The following SETD5 variants were observed in gnomAD, a reference collection of about 807,000 sequenced individuals.
The protein encoded by SETD5 is SET domain containing 5.
In SETD5, 44 loss-of-function variants were observed where a neutral mutation model predicts 153.3. That is an observed-to-expected ratio of 0.29 (90% CI 0.23 to 0.37). The LOEUF (loss-of-function observed/expected upper bound fraction) is 0.37. Ranked by LOEUF, SETD5 falls within the 10% of genes least tolerant of loss-of-function variation. The pLI is 1.00. For synonymous variants in SETD5, 716 were observed against 645.2 expected, an observed-to-expected ratio of 1.11 and a Z score of -1.66; for missense variants, 1,544 against 1,768.0, an observed-to-expected ratio of 0.87 and a Z score of 2.27.
chr3:9,456,516 T>A (rs2043266713), intron 17 of SETD5, among the ~76,000 whole-genome samples: 1 of 151,752 alleles, frequency 6.6e-6, no homozygotes, highest in Non-Finnish European at 1.5e-5. Context: ...TGAGCCTCAT[T>A]TGTAAAATGG....
At position 9,443,293 on chromosome 3, in the gene SETD5, A is replaced by C; in HGVS notation, c.1078-15A>C. On this transcript the variant is annotated splice_polypyrimidine_tract_variant and intron_variant, in intron 10 of 22. Transcript: ENST00000402198. ...GGTCTTTATGAAAAATCCAACCAGA[A>C]GCCTTTTCACACAGGTGCGACACAT... The C allele has an allele frequency of 1.3e-6, 2 of 1,543,314 alleles. No homozygotes were observed. The highest frequency in any genetic ancestry group is 1.2e-5 in the South Asian group (1 of 83,170).
chr3:9,467,199 CAAAAAAAAAAAAAAAA>C (rs35894304), intron 18 of SETD5, among the ~76,000 whole-genome samples: 1 of 40,862 alleles, frequency 2.4e-5, no homozygotes, highest in Non-Finnish European at 5.4e-5. Context: ...GACTCTCTCT[CAAAAAAAAAAAAAAAA>C]AAAAAAAAAC....
chr3:9,474,212 T>C (rs1371837266), intron 20 of SETD5, among the ~76,000 whole-genome samples: 1 of 152,250 alleles, frequency 6.6e-6, no homozygotes, highest in Non-Finnish European at 1.5e-5. Flanking sequence ...TTAAGGGAAG[T>C]TAACATCTTT....
At chr3:9,454,011 A>G in intron 17 of SETD5, 143 bp downstream of exon 17, 1 of 972,492 alleles carries the variant, frequency 1.0e-6, no homozygotes, top group Non-Finnish European at 1.4e-6. Flanking sequence ...ACAGAGGAAG[A>G]GAGAGATCTC....
chr3:9,436,403 G>A (rs560150465), intron 7 of SETD5, among the ~76,000 whole-genome samples: 14 of 152,272 alleles, frequency 9.2e-5, no homozygotes, highest in Admixed American at 3.9e-4. Flanking sequence ...AAATGTCTAC[G>A]GGAGAAACTT....
In SETD5 at chr3:9,464,653, A is replaced by G. The variant is rs375109664; in HGVS notation, c.2705A>G (p.Asn902Ser). ...VTSLTTASRC[N>S]TPLQFELCHR... The stretch of plus-strand genomic sequence containing the variant: ...TCTCTTACTACTGCTAGTCGCTGCA[A>G]CACTCCTCTACAGTTTGAGGTGATT... Residue 902 changes from asparagine to serine, a missense_variant, in exon 18 of 23, where the codon AAC becomes AGC. By Grantham distance (46) the Asn-to-Ser change is conservative. Around this residue, in one of 9 missense-constraint regions of SETD5, gnomAD observed 782 missense variants for 787.2 expected, o/e 0.99. Transcript: ENST00000402198. 4 of 1,613,908 alleles carry G rather than the reference A, an allele frequency of 2.5e-6. No individual in the cohort carries two copies. The highest frequency in any genetic ancestry group is 3.4e-6 in the Non-Finnish European group (4 of 1,179,916).
At chr3:9,445,980 T>G (rs1467907616) in intron 13 of SETD5, among the ~76,000 whole-genome samples, 2 of 147,502 alleles carry the variant, frequency 1.4e-5, no homozygotes, top group African/African-American at 2.5e-5. Context: ...TTTTTTTTTT[T>G]TTTTTTTTAC....
intron 17 of SETD5, among the ~76,000 whole-genome samples, chr3:9,455,975 C>G (rs913875848): frequency 1.1e-4 from 16 of 152,072 alleles, no homozygotes; most frequent in African/African-American, 3.9e-4. Context: ...TTTTAAAAAT[C>G]AAGCAGCAGT....
At chr3:9,417,969 CTTGCTCTGTCGCACAGGCTGGAG>C (rs1466446357) in intron 1 of SETD5, among the ~76,000 whole-genome samples, 2 of 139,060 alleles carry the variant, frequency 1.4e-5, no homozygotes, top group African/African-American at 2.7e-5. Flanking sequence ...GAGACGGAGT[CTTGCTCTGTCGCACAGGCTGGAG>C]TGCAGTGGCG....
At chr3:9,418,107 A>AT (rs78653171) in intron 1 of SETD5, among the ~76,000 whole-genome samples, 381 of 141,990 alleles carry the variant, frequency 2.7e-3, no homozygotes, top group East Asian at 6.7e-3. Flanking sequence ...CTCCCGGCTA[A>AT]TTTTTTTTTT....
intron 1 of SETD5, 35 bp downstream of exon 1, chr3:9,398,012 G>A (rs2033960662): frequency 6.6e-6 from 1 of 152,064 alleles, no homozygotes; most frequent in Non-Finnish European, 1.5e-5. Context: ...CGAACCTCAC[G>A]ATCGGGCCCC....
chr3:9,409,475 G>T (rs551510332), intron 1 of SETD5, among the ~76,000 whole-genome samples: 14 of 152,068 alleles, frequency 9.2e-5, no homozygotes, highest in Non-Finnish European at 1.9e-4. Context: ...TGACATTCAG[G>T]TTGTCCTACC....
intron 1 of SETD5, among the ~76,000 whole-genome samples, chr3:9,416,938 G>GT (rs67192205): frequency 3.3e-3 from 481 of 145,592 alleles, no homozygotes; most frequent in African/African-American, 6.4e-3. Context: ...TCACCATAAA[G>GT]TTTTTTTTTT....
chr3:9,467,385 G>A (rs2044736366), intron 18 of SETD5, among the ~76,000 whole-genome samples: 2 of 151,890 alleles, frequency 1.3e-5, no homozygotes, highest in Non-Finnish European at 1.5e-5. Flanking sequence ...AAAGAAGAGT[G>A]GAAGCAACAT....
intron 18 of SETD5, chr3:9,468,539 T>C: frequency 1.5e-6 from 2 of 1,304,162 alleles, no homozygotes; most frequent in Non-Finnish European, 2.0e-6. Context: ...CCCCTGAGAG[T>C]TCCCCTGCGC....
intron 16 of SETD5, among the ~76,000 whole-genome samples, chr3:9,453,494 T>C (rs1472425938): frequency 6.6e-6 from 1 of 152,236 alleles, no homozygotes; most frequent in African/African-American, 2.4e-5. Flanking sequence ...AGTCATTTTT[T>C]ATTGGTTTTT....
At chr3:9,471,013 GTTCCGCAC>G in intron 19 of SETD5, 84 bp downstream of exon 19, 1 of 699,784 alleles carries the variant, frequency 1.4e-6, no homozygotes, top group South Asian at 1.9e-5. Flanking sequence ...TCTGCTATGT[GTTCCGCAC>G]TACTCTCAGA....
chr3:9,461,759 C>A (rs1225271436), intron 17 of SETD5, among the ~76,000 whole-genome samples: 1 of 152,180 alleles, frequency 6.6e-6, no homozygotes, highest in Non-Finnish European at 1.5e-5. Context: ...TAACTCCTTT[C>A]TACAACTAAC....
intron 12 of SETD5, 71 bp from the exon 13 acceptor site, chr3:9,445,586 G>T: frequency 7.5e-7 from 1 of 1,341,372 alleles, no homozygotes; most frequent in Admixed American, 1.8e-5. Flanking sequence ...AGAGTTTTAA[G>T]CTACCAGAAT....
Sources: gnomAD v4.1 joint callset for allele counts (sites outside exome capture counted in the v4.1 genomes callset) on GRCh38, gnomAD v4.1.1 for gene constraint, gnomAD v4.1.1 regional missense constraint, MANE v1.5 for transcripts, NCBI Gene and HGNC (gene_info 2026-07-23, HGNC 2026-07-21) for gene names.